The following UBA5 variants were observed in gnomAD, a reference collection of about 807,000 sequenced individuals.
UBA5 encodes the protein ubiquitin-like modifier-activating enzyme 5.
Under a neutral mutation model 52.9 loss-of-function variants are expected in UBA5, and 28 were observed. The ratio of observed to expected loss-of-function variants is 0.53; its 90% confidence interval spans 0.39 to 0.73. The LOEUF (loss-of-function observed/expected upper bound fraction) is 0.73, where lower values mean the gene tolerates loss of function less well. Among genes scored for constraint, UBA5 ranks in the 30% least tolerant of loss-of-function variants. The pLI, the probability that UBA5 is intolerant of heterozygous loss-of-function variation, is 0.00. For synonymous variants in UBA5, 135 were observed against 162.1 expected (o/e 0.83, Z 1.27); for missense variants, 388 against 492.7 (o/e 0.79, Z 2.01).
At chr3:132,656,849 GT>G (rs200968218), upstream of UBA5, among the ~76,000 whole-genome samples, 27,170 of 143,790 alleles carry the variant, frequency 0.19, 2,793 homozygotes, top group African/African-American at 0.29. Flanking sequence ...TCATTGTGTT[GT>G]TTTTTTTTTT....
chr3:132,656,605 T>C (rs113192625), upstream of UBA5, among the ~76,000 whole-genome samples: 1,901 of 152,066 alleles, frequency 0.013, 40 homozygotes, highest in African/African-American at 0.043. Flanking sequence ...GCAATTCTCC[T>C]GCCTCAGCCT....
At chr3:132,669,067 C>A in intron 4 of UBA5, 140 bp downstream of exon 4, 1 of 567,998 alleles carries the variant, frequency 1.8e-6, no homozygotes, top group Non-Finnish European at 2.9e-6. Flanking sequence ...ACCTGTTGGA[C>A]ATGGGTTGGC....
chr3:132,675,207 G>A, intron 8 of UBA5, 41 bp from the exon 9 acceptor site: 1 of 1,440,854 alleles, frequency 6.9e-7, no homozygotes, highest in Non-Finnish European at 9.5e-7. Context: ...TATTTTTCAT[G>A]TTTTAAATTT....
upstream of UBA5, chr3:132,660,287 G>T (rs757478430): frequency 1.7e-6 from 1 of 584,098 alleles, no homozygotes; most frequent in Non-Finnish European, 3.0e-6. The surrounding 1 kb of genome is among the most constrained non-coding windows in gnomAD (Gnocchi z 4.1). Flanking sequence ...GAAGGAAGCC[G>T]AAAGAGCCAG....
chr3:132,672,784 A>C (rs1938661411), intron 8 of UBA5, among the ~76,000 whole-genome samples: 1 of 152,212 alleles, frequency 6.6e-6, no homozygotes, highest in Admixed American at 6.5e-5. Flanking sequence ...TCCAAAAACA[A>C]ATATCCAGCA....
rs1938962929 is a variant in UBA5, at chr3:132,679,440, C to CTATT, written c.*2916_*2919dup. Among the ~76,000 whole-genome samples, 1 of 152,124 alleles carries CTATT rather than the reference C, an allele frequency of 6.6e-6. No individual in the cohort carries two copies. The highest frequency in any genetic ancestry group is 1.5e-5 in the Non-Finnish European group (1 of 68,014). On this transcript the variant is annotated 3_prime_UTR_variant, in exon 12 of 12. Coordinates refer to ENST00000356232, the MANE Select transcript of UBA5 (RefSeq NM_024818.6). ...ATATGCATACACAAAGATGTTCCAG[C>CTATT]TATTTTTATCTTCTTAAGTATGCAT... is the stretch of plus-strand genomic sequence containing the variant.
At chr3:132,660,298 G>A (rs1350704102), upstream of UBA5, 1 of 596,052 alleles carries the variant, frequency 1.7e-6, no homozygotes, top group South Asian at 2.0e-5. The surrounding 1 kb of genome is among the most constrained non-coding windows in gnomAD (Gnocchi z 4.1). Context: ...AAAGAGCCAG[G>A]TTTTTGATGA....
At chr3:132,672,698 A>G (rs1938656809) in intron 8 of UBA5, among the ~76,000 whole-genome samples, 1 of 152,222 alleles carries the variant, frequency 6.6e-6, no homozygotes, top group Non-Finnish European at 1.5e-5. Context: ...GTTAACATTT[A>G]TATTAGTGTT....
chr3:132,675,414 GATC>G, intron 9 of UBA5, 31 bp downstream of exon 9: 1 of 1,609,076 alleles, frequency 6.2e-7, no homozygotes, highest in South Asian at 1.1e-5. Context: ...ATGCATGAGG[GATC>G]ATATTGAATA....
rs1938125012 is a variant in UBA5, at chr3:132,660,879, T to G, written c.161+181T>G. 6.9e-7 allele frequency: 1 copy of G among 1,444,364 alleles called. No homozygotes were observed. The highest frequency in any genetic ancestry group is 2.7e-5 in the Admixed American group (1 of 36,804). 89.5% of individuals were successfully genotyped at this position (1,444,364 alleles called of 1,614,324 possible). ...AGTACTGATCGGAAGATATTCTTTC[T>G]CTTTTTTAAAAACCTCCAGTGAGTC... On this transcript the variant is annotated intron_variant, in intron 1 of 11. Transcript: ENST00000356232. This position sits in a 1 kb window ranked among gnomAD's most constrained non-coding sequence, Gnocchi z 4.1.
chr3:132,658,126 G>A (rs535819541), upstream of UBA5, among the ~76,000 whole-genome samples: 1 of 152,240 alleles, frequency 6.6e-6, no homozygotes, highest in African/African-American at 2.4e-5. Flanking sequence ...GCCTCCCAAA[G>A]TGCTGGGATT....
At chr3:132,655,822 A>G (rs1042321238), upstream of UBA5, among the ~76,000 whole-genome samples, 1 of 152,250 alleles carries the variant, frequency 6.6e-6, no homozygotes, top group African/African-American at 2.4e-5. Flanking sequence ...GCTGCAAATC[A>G]CAAGTTTTGT....
At chr3:132,666,359 T>C (rs536231537) in intron 3 of UBA5, among the ~76,000 whole-genome samples, 22 of 152,268 alleles carry the variant, frequency 1.4e-4, no homozygotes, top group African/African-American at 5.3e-4. Context: ...GGCTGTTAAT[T>C]TGATAAAGTG....
chr3:132,674,247 T>C (rs566027377), intron 8 of UBA5, among the ~76,000 whole-genome samples: 2 of 152,328 alleles, frequency 1.3e-5, no homozygotes, highest in South Asian at 2.1e-4. Flanking sequence ...ATATTAAGAA[T>C]GTGTATTTGC....
At chr3:132,659,752 G>GATC (rs750461859), upstream of UBA5, 24 of 1,598,048 alleles carry the variant, frequency 1.5e-5, no homozygotes, top group Non-Finnish European at 2.0e-5. Flanking sequence ...CTGGCTTCAT[G>GATC]ATCACCCCCG....
upstream of UBA5, chr3:132,660,097 C>G (rs114953660): frequency 2.0e-3 from 692 of 337,772 alleles, 5 homozygotes; most frequent in African/African-American, 0.014. The surrounding 1 kb of genome is among the most constrained non-coding windows in gnomAD (Gnocchi z 4.1). Context: ...TTTAATGCAA[C>G]AGCAGGCGGA....
chr3:132,677,618 C>G lies in UBA5; in HGVS notation c.*1092C>G, dbSNP rs1270538440. 1 of 152,170 alleles carries G rather than the reference C, an allele frequency of 6.6e-6. No individual in the cohort carries two copies. Among genetic ancestry groups the G allele is most frequent in the Non-Finnish European group, 1.5e-5 (1 of 68,016 alleles). The allele number at this position is 152,170 out of a possible 1,614,324, so 9.4% of individuals were successfully genotyped here. A position where few individuals can be genotyped will look rare whatever the true frequency, so the allele number is the denominator to read the frequency against. ...AGTTTGGAGACTCATAAATACCATG[C>G]AGGTGTAACCACTGCCAATAGGCTG... On this transcript the variant is annotated 3_prime_UTR_variant, in exon 12 of 12. Transcript: ENST00000356232.
At chr3:132,674,131 G>T (rs910903140) in intron 8 of UBA5, among the ~76,000 whole-genome samples, 1 of 151,990 alleles carries the variant, frequency 6.6e-6, no homozygotes, top group East Asian at 1.9e-4. Flanking sequence ...CATTCTGGTG[G>T]GTAAAAAACA....
At chr3:132,659,081 CA>C (rs1937983713), upstream of UBA5, among the ~76,000 whole-genome samples, 2 of 152,142 alleles carry the variant, frequency 1.3e-5, no homozygotes, top group South Asian at 4.1e-4. Flanking sequence ...ACGCTACTCT[CA>C]GGATCCTCTC....
Sources: allele counts gnomAD v4.1 joint callset (sites outside exome capture counted in the v4.1 genomes callset), GRCh38; gene constraint gnomAD v4.1.1; non-coding constraint Gnocchi (gnomAD v3.1); transcripts MANE v1.5; gene names NCBI Gene and HGNC (gene_info 2026-07-23, HGNC 2026-07-21).